The following C1orf94 variants were observed in gnomAD, a reference collection of about 807,000 sequenced individuals.
C1orf94 encodes the protein chromosome 1 open reading frame 94, also known as uncharacterized protein C1orf94.
C1orf94 carries 45 observed loss-of-function variants against 53.6 expected under a neutral mutation model. That is an observed-to-expected ratio of 0.84 (90% confidence interval 0.66 to 1.08). C1orf94 has a LOEUF of 1.08. Ranked by LOEUF, C1orf94 falls within the 50% of genes least tolerant of loss-of-function variation. The pLI is 0.00. For synonymous variants in C1orf94, 304 were observed against 296.1 expected (o/e 1.03, Z -0.27); for missense variants, 762 against 738.9 (o/e 1.03, Z -0.36).
At chr1:34,189,461 T>C (rs1281097355) in intron 1 of C1orf94, among the ~76,000 whole-genome samples, 3 of 152,120 alleles carry the variant, frequency 2.0e-5, no homozygotes, top group Non-Finnish European at 2.9e-5. Flanking sequence ...CACAGGCAGC[T>C]TGGCAGAGGT....
At chr1:34,175,745 T>G (rs78921994), upstream of C1orf94, among the ~76,000 whole-genome samples, 4,183 of 152,234 alleles carry the variant, frequency 0.027, 75 homozygotes, top group Non-Finnish European at 0.038. Flanking sequence ...TCATAATTTA[T>G]TAACACCATT....
intron 1 of C1orf94, among the ~76,000 whole-genome samples, chr1:34,188,088 A>G (rs1642415941): frequency 2.0e-5 from 3 of 152,138 alleles, no homozygotes; most frequent in Admixed American, 1.3e-4. Flanking sequence ...CTGAAAATGC[A>G]GACACCTGGG....
At chr1:34,218,657 T>C (rs1334440947) in intron 6 of C1orf94, 29 bp from the exon 7 acceptor site, 1 of 1,587,732 alleles carries the variant, frequency 6.3e-7, no homozygotes. Flanking sequence ...AGGAATCTCA[T>C]CATGGCATCC....
chr1:34,216,252 G>T (rs1258824607), intron 6 of C1orf94, among the ~76,000 whole-genome samples: 1 of 152,108 alleles, frequency 6.6e-6, no homozygotes, highest in Non-Finnish European at 1.5e-5. Flanking sequence ...TCAAGGCAAG[G>T]GATGGGATGG....
Position 34,202,228 on chromosome 1 carries a change from T to G in C1orf94, c.1415T>G (p.Phe472Cys). 6.2e-7 allele frequency: 1 copy of G among 1,614,212 alleles called. No individual in the cohort carries two copies. Residue 472 changes from phenylalanine to cysteine, a missense_variant, in exon 4 of 7, where the codon TTC (phenylalanine) becomes TGC (cysteine). Coordinates refer to ENST00000488417, the MANE Select transcript of C1orf94 (RefSeq NM_001134734.2). ...LNLNYPPPPV[F>C]TNHSTFLQYQ... ...CTGAACTATCCACCTCCACCAGTGT[T>G]CACGAATCACTCTACCTTCTTGCAG... is the stretch of plus-strand genomic sequence containing the variant.
chr1:34,207,585 C>T (rs1642820147), intron 4 of C1orf94, among the ~76,000 whole-genome samples: 1 of 152,210 alleles, frequency 6.6e-6, no homozygotes, highest in Admixed American at 6.5e-5. Context: ...CCTGGGTTCA[C>T]AGTTGTATAT....
Position 34,216,491 on chromosome 1 carries a change from G to A in C1orf94, c.1722-2195G>A, listed in dbSNP as rs117573063. On this transcript the variant is annotated intron_variant, in intron 6 of 6. Coordinates refer to ENST00000488417, the MANE Select transcript of C1orf94 (RefSeq NM_001134734.2). ...AGTGCTGGTGTTGGGGTGGTGACGC[G>A]AGGTGCTGATGGAACAAGATCAAGG... 1.4e-3 allele frequency among the ~76,000 whole-genome samples: 216 copies of A among 152,258 alleles called. 4 individuals carry two copies. The East Asian group carries it at 0.037, about 26-fold the overall frequency.
chr1:34,201,483 T>C (rs144166754), intron 3 of C1orf94, among the ~76,000 whole-genome samples: 14 of 152,336 alleles, frequency 9.2e-5, no homozygotes, highest in African/African-American at 3.4e-4. Context: ...CAACATCTTG[T>C]AGAAAGGAAG....
At chr1:34,168,963 G>C (rs543117602) in intron 1 of C1orf94, among the ~76,000 whole-genome samples, 95 of 152,276 alleles carry the variant, frequency 6.2e-4, no homozygotes, top group African/African-American at 2.2e-3. Flanking sequence ...AGAGATGCTT[G>C]ACAGTCAGAA....
At chr1:34,186,719 G>A (rs1642389878) in intron 1 of C1orf94, among the ~76,000 whole-genome samples, 1 of 152,242 alleles carries the variant, frequency 6.6e-6, no homozygotes, top group African/African-American at 2.4e-5. Flanking sequence ...CCATTGGCCA[G>A]AGGGAAGGAC....
chr1:34,208,430 A>G (rs1366250042), intron 5 of C1orf94, among the ~76,000 whole-genome samples, 196 bp downstream of exon 5: 1 of 152,150 alleles, frequency 6.6e-6, no homozygotes, highest in Non-Finnish European at 1.5e-5. Context: ...CTGGGCACTT[A>G]ATGGAGCCCT....
At chr1:34,212,584 G>T (rs1437080696) in intron 6 of C1orf94, among the ~76,000 whole-genome samples, 178 bp downstream of exon 6, 1 of 152,174 alleles carries the variant, frequency 6.6e-6, no homozygotes, top group African/African-American at 2.4e-5. Context: ...GTGCAGAGAT[G>T]AAGAGGGTCT....
upstream of C1orf94, among the ~76,000 whole-genome samples, chr1:34,176,545 T>A (rs899902604): frequency 6.6e-6 from 1 of 152,014 alleles, no homozygotes; most frequent in Non-Finnish European, 1.5e-5. Flanking sequence ...AGTGCTGGGG[T>A]CTGAGTCTCA....
chr1:34,169,391 A>G (rs1488131404), intron 1 of C1orf94, among the ~76,000 whole-genome samples: 5 of 152,166 alleles, frequency 3.3e-5, no homozygotes, highest in Admixed American at 3.3e-4. Flanking sequence ...AGGTGTCTTT[A>G]CAATATCACA....
At chr1:34,175,168 T>G (rs1203352886), upstream of C1orf94, among the ~76,000 whole-genome samples, 2 of 151,308 alleles carry the variant, frequency 1.3e-5, no homozygotes, top group East Asian at 3.9e-4. Flanking sequence ...TCTATCTTTG[T>G]TCCGTATCCC....
At chr1:34,183,647 G>C (rs1244101564) in intron 1 of C1orf94, among the ~76,000 whole-genome samples, 1 of 152,162 alleles carries the variant, frequency 6.6e-6, no homozygotes, top group African/African-American at 2.4e-5. Flanking sequence ...TTGAGGTCAG[G>C]AGTTTTGAGA....
chr1:34,180,703 G>C (rs1161842964), intron 1 of C1orf94, among the ~76,000 whole-genome samples: 2 of 152,344 alleles, frequency 1.3e-5, no homozygotes, highest in East Asian at 3.9e-4. Flanking sequence ...CCAGGGAGCT[G>C]TTCTTACTAT....
chr1:34,212,659 T>C (rs1032751580), intron 6 of C1orf94, among the ~76,000 whole-genome samples: 5 of 152,126 alleles, frequency 3.3e-5, no homozygotes, highest in African/African-American at 1.2e-4. Context: ...AACTGCACGG[T>C]CCATAACATA....
rs1422862342 is a variant in C1orf94, at chr1:34,197,253, G to C, written c.349G>C (p.Glu117Gln). 6.5e-7 allele frequency: 1 copy of C among 1,543,870 alleles called. No individual in the cohort carries two copies. Among genetic ancestry groups the C allele is most frequent in the Non-Finnish European group, 8.8e-7 (1 of 1,141,782 alleles). ...EALELSSGKD[E>Q]ISLLVEQEFL... The stretch of plus-strand genomic sequence containing the variant: ...TCTGGAGCTCAGCAGTGGCAAAGAT[G>C]AGATCTCCTTGTTGGTGGAACAGGA... The change falls in exon 2 of 7, where the codon GAG becomes CAG. Residue 117 changes from glutamate (E) to glutamine (Q), a missense_variant. Transcript: ENST00000488417. The surrounding 1 kb of genome is among the most constrained non-coding windows in gnomAD (Gnocchi z 4.1).
Sources: gnomAD v4.1 joint callset for allele counts (sites outside exome capture counted in the v4.1 genomes callset) on GRCh38, gnomAD v4.1.1 for gene constraint, Gnocchi (gnomAD v3.1) non-coding constraint, MANE v1.5 for transcripts, NCBI Gene and HGNC (gene_info 2026-07-23, HGNC 2026-07-21) for gene names.